The following SUSD5 variants were observed in gnomAD, a reference collection of about 807,000 sequenced individuals.
SUSD5 encodes the protein sushi domain-containing protein 5.
SUSD5 carries 33 observed loss-of-function variants against 29.5 expected under a neutral mutation model. The ratio of observed to expected loss-of-function variants is 1.12; its 90% CI spans 0.85 to 1.49. The LOEUF is 1.49. SUSD5 is among the 40% of genes most tolerant of loss of function. The pLI, the probability that SUSD5 is intolerant of heterozygous loss-of-function variation, is 0.00. For missense variants in SUSD5, 776 were observed against 800.6 expected, an observed-to-expected ratio of 0.97 and a Z score of 0.37; for synonymous variants, 308 against 325.3, an observed-to-expected ratio of 0.95 and a Z score of 0.57.
intron 3 of SUSD5, among the ~76,000 whole-genome samples, chr3:33,198,094 AAC>A (rs1355658494): frequency 6.6e-6 from 1 of 152,238 alleles, no homozygotes; most frequent in Non-Finnish European, 1.5e-5. Flanking sequence ...ATTTATTGAA[AAC>A]AGTGTAACAT....
chr3:33,202,050 A>ATCTG (rs766818388), intron 3 of SUSD5, among the ~76,000 whole-genome samples: 2 of 128,644 alleles, frequency 1.6e-5, no homozygotes, highest in African/African-American at 5.5e-5. Flanking sequence ...CTATCTATCT[A>ATCTG]TCTATCTATC....
At chr3:33,200,262 T>C (rs2032090641) in intron 3 of SUSD5, among the ~76,000 whole-genome samples, 1 of 152,158 alleles carries the variant, frequency 6.6e-6, no homozygotes, top group African/African-American at 2.4e-5. Flanking sequence ...ATCTTGGACT[T>C]CCCAGCCTCC....
chr3:33,154,934 G>A (rs1239024843), intron 4 of SUSD5, among the ~76,000 whole-genome samples: 1 of 152,200 alleles, frequency 6.6e-6, no homozygotes, highest in African/African-American at 2.4e-5. Flanking sequence ...AAATGCAATG[G>A]ATGGAAGTTT....
At chr3:33,156,965 A>G (rs1296912276) in intron 4 of SUSD5, among the ~76,000 whole-genome samples, 1 of 152,264 alleles carries the variant, frequency 6.6e-6, no homozygotes, top group East Asian at 1.9e-4. Context: ...TTTTATGCTT[A>G]GAAAAGGACA....
At chr3:33,207,022 T>C (rs1559456994) in intron 3 of SUSD5, among the ~76,000 whole-genome samples, 2 of 152,116 alleles carry the variant, frequency 1.3e-5, no homozygotes, top group Non-Finnish European at 2.9e-5. Context: ...TGAATATTCC[T>C]TTTACAACCG....
At chr3:33,162,142 CA>C (rs971199004) in intron 4 of SUSD5, among the ~76,000 whole-genome samples, 1 of 152,014 alleles carries the variant, frequency 6.6e-6, no homozygotes, top group African/African-American at 2.4e-5. Flanking sequence ...TTAACTTAGA[CA>C]AAAAATTACT....
chr3:33,162,482 C>T (rs1410610204), intron 4 of SUSD5, among the ~76,000 whole-genome samples: 2 of 152,086 alleles, frequency 1.3e-5, no homozygotes, highest in Non-Finnish European at 2.9e-5. Flanking sequence ...AGAAAATCGA[C>T]ATAGTCAAAA....
intron 1 of SUSD5, among the ~76,000 whole-genome samples, chr3:33,216,317 C>T (rs916544760): frequency 6.6e-5 from 10 of 152,040 alleles, no homozygotes; most frequent in African/African-American, 2.2e-4. Flanking sequence ...TCTTTATCTA[C>T]CAAACAAATT....
chr3:33,197,888 G>A (rs2032024615), intron 3 of SUSD5, among the ~76,000 whole-genome samples: 1 of 151,840 alleles, frequency 6.6e-6, no homozygotes, highest in Non-Finnish European at 1.5e-5. Context: ...CATCTGTGTC[G>A]CTTCCAGTTT....
At chr3:33,173,454 A>G (rs1051508832) in intron 4 of SUSD5, among the ~76,000 whole-genome samples, 2 of 152,238 alleles carry the variant, frequency 1.3e-5, no homozygotes, top group African/African-American at 4.8e-5. Context: ...CACAAAATGA[A>G]AATAAGCAAA....
In SUSD5 at chr3:33,204,471, C is replaced by A. The variant is rs963362863; in HGVS notation, c.409+3337G>T. On this transcript the variant is annotated intron_variant, in intron 3 of 4. Transcript: ENST00000309558. The surrounding 1 kb of genome is among the most constrained non-coding windows in gnomAD (Gnocchi z 4.5). ...GAGCAGCTGGGACGACAGGTGCCCA[C>A]TACCACACCCGGCTAATTTTTTTGT... Among the ~76,000 whole-genome samples the A allele has an allele frequency of 9.2e-5, 14 of 152,042 alleles. No individual in the cohort carries two copies. Among genetic ancestry groups the A allele is most frequent in the Admixed American group, 3.9e-4 (6 of 15,274 alleles).
chr3:33,193,421 C>T (rs566924766), intron 3 of SUSD5, among the ~76,000 whole-genome samples: 1 of 152,164 alleles, frequency 6.6e-6, no homozygotes, highest in African/African-American at 2.4e-5. Context: ...GAAGTTTTTA[C>T]AGAACATTTA....
intron 3 of SUSD5, among the ~76,000 whole-genome samples, chr3:33,198,298 C>G (rs1020063561): frequency 6.6e-6 from 1 of 152,178 alleles, no homozygotes; most frequent in Non-Finnish European, 1.5e-5. Context: ...ATATTATTCC[C>G]AAGGCAAGTT....
chr3:33,179,967 C>G (rs771011271), intron 3 of SUSD5, among the ~76,000 whole-genome samples: 21 of 152,152 alleles, frequency 1.4e-4, no homozygotes, highest in Non-Finnish European at 2.8e-4. Flanking sequence ...TGTGGTGATG[C>G]TGGTGTAAAC....
At chr3:33,203,196 T>A (rs2032152344) in intron 3 of SUSD5, among the ~76,000 whole-genome samples, 1 of 152,212 alleles carries the variant, frequency 6.6e-6, no homozygotes, top group South Asian at 2.1e-4. Context: ...AAGCAGCAAC[T>A]CTGCTGAGAA....
chr3:33,176,936 C>G (rs148302549), intron 3 of SUSD5, among the ~76,000 whole-genome samples: 48 of 152,326 alleles, frequency 3.2e-4, no homozygotes, highest in Non-Finnish European at 5.6e-4. Context: ...GCTCTCTACT[C>G]TGATCCATTG....
intron 3 of SUSD5, among the ~76,000 whole-genome samples, chr3:33,177,080 T>C (rs35415264): frequency 0.096 from 14,628 of 152,254 alleles, 806 homozygotes; most frequent in East Asian, 0.17. Context: ...TCTGGGTCTA[T>C]TACCTCTCCA....
Position 33,214,072 on chromosome 3 carries a change from G to C in SUSD5, c.146C>G (p.Ser49Cys). Residue 49 changes from serine (S) to cysteine (C), a missense_variant, in exon 2 of 5, where the codon TCT becomes TGT. By Grantham distance (112) the Ser-to-Cys change is moderately radical. Coordinates refer to ENST00000309558, the MANE Select transcript of SUSD5 (RefSeq NM_015551.2). ...KFFVLESQNG[S>C]QGLQLEAARL... ...AGCAGCCTCCAGTTGTAGGCCCTGA[G>C]AGCCATTCTGAGACTCCAGCACAAA... 2 of 1,611,816 alleles carry C rather than the reference G, an allele frequency of 1.2e-6. No homozygotes were observed. The highest frequency in any genetic ancestry group is 1.7e-6 in the Non-Finnish European group (2 of 1,178,960).
chr3:33,160,413 G>C (rs2031159746), intron 4 of SUSD5, among the ~76,000 whole-genome samples: 1 of 151,548 alleles, frequency 6.6e-6, no homozygotes, highest in East Asian at 1.9e-4. Flanking sequence ...AAAAAAATTG[G>C]GTGTGGTGGC....
Sources: allele counts gnomAD v4.1 joint callset (sites outside exome capture counted in the v4.1 genomes callset), GRCh38; gene constraint gnomAD v4.1.1; non-coding constraint Gnocchi (gnomAD v3.1); transcripts MANE v1.5; gene names NCBI Gene and HGNC (gene_info 2026-07-23, HGNC 2026-07-21).